The following TAFA2 variants were observed in gnomAD, a reference collection of about 807,000 sequenced individuals.
The protein encoded by TAFA2 is TAFA chemokine like family member 2.
A neutral mutation model predicts 18.8 loss-of-function variants in TAFA2; 7 were observed. The observed-to-expected ratio is 0.37, with a 90% CI of 0.21 to 0.70. The LOEUF (loss-of-function observed/expected upper bound fraction) is 0.70, where lower values mean the gene tolerates loss of function less well. TAFA2 is among the 30% of genes least tolerant of loss of function. The pLI is 0.53. For missense variants in TAFA2, 122 were observed against 158.1 expected, an observed-to-expected ratio of 0.77 and a Z score of 1.23; for synonymous variants, 60 against 54.2, an observed-to-expected ratio of 1.11 and a Z score of -0.47.
At chr12:61,865,752 C>G (rs1874325923) in intron 2 of TAFA2, among the ~76,000 whole-genome samples, 1 of 152,178 alleles carries the variant, frequency 6.6e-6, no homozygotes, top group African/African-American at 2.4e-5. Flanking sequence ...CATCATTTGG[C>G]TTTGGACAGG....
intron 1 of TAFA2, among the ~76,000 whole-genome samples, chr12:62,110,394 G>T (rs758348912): frequency 3.9e-5 from 6 of 152,016 alleles, no homozygotes; most frequent in Non-Finnish European, 8.8e-5. Context: ...ATTTTATTGA[G>T]GATTTTCACC....
intron 4 of TAFA2, among the ~76,000 whole-genome samples, chr12:61,751,443 A>C (rs1011387629): frequency 1.3e-5 from 2 of 152,052 alleles, no homozygotes. Context: ...TGTACTCAAG[A>C]AGCTCCTTCT....
chr12:61,822,493 G>A (rs1872361115), intron 2 of TAFA2, among the ~76,000 whole-genome samples: 1 of 152,150 alleles, frequency 6.6e-6, no homozygotes, highest in East Asian at 1.9e-4. Flanking sequence ...GTATCAAAAT[G>A]CATAGAAAGT....
intron 1 of TAFA2, among the ~76,000 whole-genome samples, chr12:62,198,941 C>CAGG (rs916685610): frequency 6.6e-6 from 1 of 152,166 alleles, no homozygotes. Context: ...ACAACTGAGG[C>CAGG]AGGAAAACTG....
At chr12:62,240,670 C>T (rs913514224) in intron 1 of TAFA2, among the ~76,000 whole-genome samples, 1 of 151,906 alleles carries the variant, frequency 6.6e-6, no homozygotes, top group African/African-American at 2.4e-5. Context: ...AATGGTTGAC[C>T]AGAAAAATAG....
intron 1 of TAFA2, among the ~76,000 whole-genome samples, chr12:62,031,656 C>T (rs896507932): frequency 6.6e-6 from 1 of 152,076 alleles, no homozygotes; most frequent in African/African-American, 2.4e-5. Flanking sequence ...TAAAGAATGA[C>T]ATTTACCTGT....
Position 62,066,204 on chromosome 12 carries a change from A to T in TAFA2, c.-2+125055T>A, listed in dbSNP as rs1324045833. 2.0e-5 allele frequency among the ~76,000 whole-genome samples: 3 copies of T among 151,260 alleles called. No homozygotes were observed. The East Asian group carries it at 5.8e-4, about 29-fold the overall frequency. On this transcript the variant is annotated intron_variant, in intron 1 of 4. Transcript: ENST00000416284. ...TTATGGGGTATATGAGATATTTGGTATCAGCATGCAATGCATGATAATCAC... is the reference window on the plus strand; with the variant it reads ...TTATGGGGTATATGAGATATTTGGTTTCAGCATGCAATGCATGATAATCAC...
Position 62,148,074 on chromosome 12 carries a change from C to T in TAFA2, c.-2+43185G>A, listed in dbSNP as rs916544500. On this transcript the variant is annotated intron_variant, in intron 1 of 4. Coordinates refer to ENST00000416284, the MANE Select transcript of TAFA2 (RefSeq NM_178539.5). Reference sequence around the variant, plus strand: ...AAAGTCAAAAAAAAGCAGATGTTGGCGAGCTTGCAGAGAAAAATGTATGCT... The same window carrying T: ...AAAGTCAAAAAAAAGCAGATGTTGGTGAGCTTGCAGAGAAAAATGTATGCT... Among the ~76,000 whole-genome samples, 8 of 151,990 alleles carry T rather than the reference C, an allele frequency of 5.3e-5. No homozygotes were observed. In the South Asian group the frequency reaches 6.2e-4, roughly 12 times the overall value.
At chr12:61,849,981 C>T (rs1472384409) in intron 2 of TAFA2, among the ~76,000 whole-genome samples, 2 of 152,040 alleles carry the variant, frequency 1.3e-5, no homozygotes, top group African/African-American at 4.8e-5. Context: ...AAAAATAGCA[C>T]TATGAAATTG....
chr12:62,157,629 G>A (rs1318681784), intron 1 of TAFA2, among the ~76,000 whole-genome samples: 1 of 152,106 alleles, frequency 6.6e-6, no homozygotes, highest in Non-Finnish European at 1.5e-5. Context: ...TGCACTTGCT[G>A]TCCGCTCCTC....
intron 1 of TAFA2, among the ~76,000 whole-genome samples, chr12:62,144,474 C>G (rs2062266838): frequency 6.6e-6 from 1 of 151,978 alleles, no homozygotes; most frequent in African/African-American, 2.4e-5. Flanking sequence ...AAAAAAGATC[C>G]AAATCTAGTT....
At chr12:61,853,462 T>TAA (rs58843559) in intron 2 of TAFA2, among the ~76,000 whole-genome samples, 1 of 151,990 alleles carries the variant, frequency 6.6e-6, no homozygotes, top group African/African-American at 2.4e-5. Context: ...GATGGCGGAT[T>TAA]AAAAAAATGG....
At chr12:62,076,182 T>A (rs1456850549) in intron 1 of TAFA2, among the ~76,000 whole-genome samples, 1 of 152,182 alleles carries the variant, frequency 6.6e-6, no homozygotes, top group African/African-American at 2.4e-5. Context: ...CTAAGATCAG[T>A]CTTCCCTACT....
chr12:62,008,151 C>A (rs1880618300), intron 1 of TAFA2, among the ~76,000 whole-genome samples: 1 of 152,100 alleles, frequency 6.6e-6, no homozygotes, highest in African/African-American at 2.4e-5. Flanking sequence ...AAAGTATAAG[C>A]AAATCAACTA....
upstream of TAFA2, among the ~76,000 whole-genome samples, chr12:62,193,748 G>A (rs2062637154): frequency 2.6e-5 from 4 of 152,112 alleles, no homozygotes; most frequent in South Asian, 8.3e-4. Context: ...TGAGCTGGGG[G>A]TTTGCTTTCA....
chr12:62,165,939 T>TCACACACACACA (rs34593506), intron 1 of TAFA2, among the ~76,000 whole-genome samples: 2 of 139,364 alleles, frequency 1.4e-5, no homozygotes, highest in East Asian at 2.1e-4. Context: ...TCTCTCTCTC[T>TCACACACACACA]CACACACACA....
intron 1 of TAFA2, among the ~76,000 whole-genome samples, chr12:62,113,244 T>C (rs546222146): frequency 6.6e-6 from 1 of 152,340 alleles, no homozygotes; most frequent in African/African-American, 2.4e-5. Context: ...CAGGACCCTC[T>C]GCTGCAGGTC....
chr12:61,840,060 C>A (rs1369620432), intron 2 of TAFA2, among the ~76,000 whole-genome samples: 1 of 151,926 alleles, frequency 6.6e-6, no homozygotes, highest in Admixed American at 6.6e-5. Flanking sequence ...ATGTCTGGAG[C>A]AGAGAGCCCA....
intron 2 of TAFA2, among the ~76,000 whole-genome samples, chr12:61,795,884 G>A (rs1871168897): frequency 6.6e-6 from 1 of 151,362 alleles, no homozygotes; most frequent in Non-Finnish European, 1.5e-5. Flanking sequence ...ACAAAATAAG[G>A]AATTAATAAA....
Sources: allele counts gnomAD v4.1 joint callset (sites outside exome capture counted in the v4.1 genomes callset), GRCh38; gene constraint gnomAD v4.1.1; transcripts MANE v1.5; gene names NCBI Gene and HGNC (gene_info 2026-07-23, HGNC 2026-07-21).